The following MKLN1 variants were observed in gnomAD, a reference collection of about 807,000 sequenced individuals.
MKLN1 encodes muskelin 1.
MKLN1 carries 18 observed loss-of-function variants against 99.0 expected under a neutral mutation model. That is an observed-to-expected ratio of 0.18 (90% CI 0.13 to 0.27). MKLN1 has a LOEUF of 0.27. MKLN1 is among the 10% of genes least tolerant of loss of function. The pLI is 1.00. For synonymous variants in MKLN1, 288 were observed against 293.2 expected, an observed-to-expected ratio of 0.98 and a Z score of 0.18; for missense variants, 621 against 875.9, an observed-to-expected ratio of 0.71 and a Z score of 3.67.
intron 1 of MKLN1, among the ~76,000 whole-genome samples, chr7:131,110,652 G>A (rs1795180048): frequency 6.6e-6 from 1 of 152,212 alleles, no homozygotes; most frequent in Non-Finnish European, 1.5e-5. Flanking sequence ...CTCTTGGCCA[G>A]TGGCCTTGGA....
chr7:131,197,753 A>G (rs6968179), intron 2 of MKLN1, among the ~76,000 whole-genome samples: 6,357 of 152,232 alleles, frequency 0.042, 438 homozygotes, highest in African/African-American at 0.14. Flanking sequence ...ACCTAATAGT[A>G]TAACTAATAG....
intron 2 of MKLN1, among the ~76,000 whole-genome samples, chr7:131,143,827 C>CA (rs1331157198): frequency 2.6e-5 from 4 of 151,328 alleles, no homozygotes; most frequent in Non-Finnish European, 4.4e-5. Flanking sequence ...GACCTTATCT[C>CA]AAAAAAAATA....
intron 3 of MKLN1, among the ~76,000 whole-genome samples, chr7:131,266,057 C>A (rs1797802789): frequency 6.6e-6 from 1 of 151,930 alleles, no homozygotes; most frequent in Admixed American, 6.6e-5. Flanking sequence ...ACCTGTAGTC[C>A]CAGCTGCTTG....
rs1368274995 is a variant in MKLN1 at position 131,487,626 on chromosome 7, C to T, written c.2106C>T (p.His702=). The stretch of plus-strand genomic sequence containing the variant: ...CACCAGGCTTTTCTGATGTGGATCA[C>T]ACCTATGCTCAAAGAACTCAGCTCT... ...FTALGFSDVD[H]TYAQRTQLFD... The change falls in exon 18 of 18, where the codon CAC becomes CAT. Residue 702 remains histidine, a synonymous_variant. Coordinates refer to ENST00000352689, the MANE Select transcript of MKLN1 (RefSeq NM_013255.5). The surrounding 1 kb of genome is among the most constrained non-coding windows in gnomAD (Gnocchi z 4.7). 3.1e-6 allele frequency: 5 copies of T among 1,612,706 alleles called. No homozygotes were observed. Among genetic ancestry groups the T allele is most frequent in the Non-Finnish European group, 4.2e-6 (5 of 1,179,250 alleles).
intron 1 of MKLN1, among the ~76,000 whole-genome samples, chr7:131,353,313 T>C (rs1799774027): frequency 6.6e-6 from 1 of 151,916 alleles, no homozygotes; most frequent in Non-Finnish European, 1.5e-5. Context: ...GATAGGCATA[T>C]AGTGATATCT....
At chr7:131,147,357 C>T (rs996397943) in intron 2 of MKLN1, among the ~76,000 whole-genome samples, 1 of 151,992 alleles carries the variant, frequency 6.6e-6, no homozygotes, top group African/African-American at 2.4e-5. Context: ...TGCCCCCAGC[C>T]GTTGATGATG....
At chr7:131,260,411 T>G (rs1797715472) in intron 3 of MKLN1, among the ~76,000 whole-genome samples, 1 of 152,086 alleles carries the variant, frequency 6.6e-6, no homozygotes, top group Non-Finnish European at 1.5e-5. Flanking sequence ...TACCTAGGAA[T>G]ACAGCTAGCC....
At chr7:131,371,843 CAT>C (rs1404577866) in intron 1 of MKLN1, among the ~76,000 whole-genome samples, 1 of 151,528 alleles carries the variant, frequency 6.6e-6, no homozygotes, top group Non-Finnish European at 1.5e-5. Flanking sequence ...AATTTCTTCT[CAT>C]ATTTACTGTG....
chr7:131,478,850 G>A (rs1584784327), intron 17 of MKLN1, 173 bp downstream of exon 17: 2 of 750,046 alleles, frequency 2.7e-6, no homozygotes, highest in East Asian at 2.5e-5. Flanking sequence ...TTGCTTTGAG[G>A]TATCATTTTG....
intron 10 of MKLN1, among the ~76,000 whole-genome samples, chr7:131,440,437 T>C (rs1175048330): frequency 4.6e-5 from 7 of 152,310 alleles, no homozygotes; most frequent in African/African-American, 1.7e-4. Flanking sequence ...AGAAATCCTC[T>C]GTGAAGTTAT....
intron 4 of MKLN1, among the ~76,000 whole-genome samples, chr7:131,393,000 C>T (rs577224871): frequency 2.0e-5 from 3 of 151,790 alleles, no homozygotes; most frequent in Non-Finnish European, 2.9e-5. Flanking sequence ...GGGCTCAAGC[C>T]ATGTTCCGGC....
chr7:131,478,988 C>A (rs1410843103), intron 17 of MKLN1: 2 of 363,578 alleles, frequency 5.5e-6, no homozygotes, highest in South Asian at 3.3e-5. Context: ...TTTACTGATA[C>A]ACACTATGAG....
chr7:131,141,334 A>G (rs1463543567), intron 1 of MKLN1, among the ~76,000 whole-genome samples: 2 of 152,034 alleles, frequency 1.3e-5, no homozygotes, highest in East Asian at 1.9e-4. Context: ...AAATCTCCTC[A>G]ATTTCCTCTT....
chr7:131,460,709 G>A (rs1796490300), intron 12 of MKLN1, among the ~76,000 whole-genome samples: 1 of 152,172 alleles, frequency 6.6e-6, no homozygotes, highest in Non-Finnish European at 1.5e-5. Flanking sequence ...GGTGAAAACA[G>A]CCGTAGACAA....
At chr7:131,133,812 TTA>T (rs1554527033) in intron 1 of MKLN1, among the ~76,000 whole-genome samples, 14 of 135,892 alleles carry the variant, frequency 1.0e-4, no homozygotes, top group Non-Finnish European at 1.5e-4. Context: ...TTTTTTTTTT[TTA>T]ATTTGGTTTT....
chr7:131,269,970 C>G (rs761477246), intron 3 of MKLN1, among the ~76,000 whole-genome samples: 5 of 152,094 alleles, frequency 3.3e-5, no homozygotes, highest in African/African-American at 7.2e-5. Flanking sequence ...GTCATCCAGG[C>G]TGGAGTGCAG....
At chr7:131,418,122 A>G (rs1318906933) in intron 8 of MKLN1, among the ~76,000 whole-genome samples, 1 of 152,006 alleles carries the variant, frequency 6.6e-6, no homozygotes, top group Non-Finnish European at 1.5e-5. Flanking sequence ...TAATCCCAGC[A>G]TTTTGGGAGA....
chr7:131,419,914 A>G (rs1040598919), intron 8 of MKLN1, among the ~76,000 whole-genome samples: 6 of 152,230 alleles, frequency 3.9e-5, no homozygotes, highest in Admixed American at 6.5e-5. Context: ...AAGAAATGCT[A>G]TGAACTGACC....
intron 3 of MKLN1, among the ~76,000 whole-genome samples, chr7:131,234,154 A>T (rs1030206400): frequency 2.6e-5 from 4 of 151,706 alleles, no homozygotes; most frequent in African/African-American, 9.7e-5. Flanking sequence ...TAATTTTTGT[A>T]TTTTTAGTAG....
Sources: allele counts gnomAD v4.1 joint callset (sites outside exome capture counted in the v4.1 genomes callset), GRCh38; gene constraint gnomAD v4.1.1; non-coding constraint Gnocchi (gnomAD v3.1); transcripts MANE v1.5; gene names NCBI Gene and HGNC (gene_info 2026-07-23, HGNC 2026-07-21).